Variants in GRM7 observed in about 807,000 individuals in gnomAD.
The protein encoded by GRM7 is glutamate metabotropic receptor 7.
A neutral mutation model predicts 84.5 loss-of-function variants in GRM7; 35 were observed. The observed-to-expected ratio is 0.41, with a 90% CI of 0.32 to 0.55. The LOEUF (loss-of-function observed/expected upper bound fraction) is 0.55, where lower values mean the gene tolerates loss of function less well. GRM7 is among the 20% of genes least tolerant of loss of function. The probability of loss-of-function intolerance (pLI) is 0.19; values close to 1 mark genes in which losing one functional copy is unlikely to be tolerated. For missense variants in GRM7, 1,003 were observed against 1,194.6 expected (o/e 0.84, Z 2.36); for synonymous variants, 487 against 455.1 (o/e 1.07, Z -0.89).
chr3:6,983,123 AT>A (rs558955091), intron 1 of GRM7, among the ~76,000 whole-genome samples: 9 of 152,146 alleles, frequency 5.9e-5, no homozygotes, highest in Non-Finnish European at 1.3e-4. Context: ...ATTGATTTTT[AT>A]TTTGTATTCA....
chr3:7,562,148 T>G (rs1694052540), intron 7 of GRM7, among the ~76,000 whole-genome samples: 1 of 152,112 alleles, frequency 6.6e-6, no homozygotes, highest in African/African-American at 2.4e-5. Flanking sequence ...ATTAACCCAT[T>G]GCCCTGTAAG....
intron 1 of GRM7, among the ~76,000 whole-genome samples, chr3:6,925,417 G>T (rs1189431035): frequency 1.3e-5 from 2 of 151,746 alleles, no homozygotes; most frequent in Non-Finnish European, 2.9e-5. Flanking sequence ...AGAAGGTTAC[G>T]TTGTTTTATC....
intron 1 of GRM7, among the ~76,000 whole-genome samples, chr3:6,872,684 A>C (rs903999267): frequency 1.3e-5 from 2 of 150,658 alleles, no homozygotes; most frequent in Admixed American, 6.6e-5. Context: ...TTGTTGTTCA[A>C]CTCCCACTTA....
chr3:7,608,028 C>T (rs570777221), intron 8 of GRM7: 1 of 357,674 alleles, frequency 2.8e-6, no homozygotes, highest in Non-Finnish European at 5.9e-6. Context: ...ATAACAGCCT[C>T]CAGCTCCATC....
chr3:7,445,079 C>T (rs912096238), intron 5 of GRM7, among the ~76,000 whole-genome samples: 1 of 152,142 alleles, frequency 6.6e-6, no homozygotes, highest in African/African-American at 2.4e-5. Context: ...TTAACTTTTC[C>T]ACCCAAAGGG....
chr3:7,141,719 T>C (rs1014533612), intron 1 of GRM7, among the ~76,000 whole-genome samples: 13 of 151,608 alleles, frequency 8.6e-5, no homozygotes, highest in African/African-American at 3.1e-4. Context: ...AGTAAAACAC[T>C]GGCCCAAGAC....
chr3:6,999,463 C>T (rs763080854), intron 1 of GRM7, among the ~76,000 whole-genome samples: 2 of 152,198 alleles, frequency 1.3e-5, no homozygotes, highest in Non-Finnish European at 2.9e-5. Flanking sequence ...CCAACCTCTG[C>T]CTGTTTCCCA....
intron 7 of GRM7, among the ~76,000 whole-genome samples, chr3:7,490,683 G>C (rs1381266489): frequency 6.6e-6 from 1 of 152,104 alleles, no homozygotes; most frequent in Non-Finnish European, 1.5e-5. Context: ...GGATCTATTA[G>C]ACGATCTATA....
chr3:7,089,491 G>C (rs780653873), intron 1 of GRM7, among the ~76,000 whole-genome samples: 1 of 152,130 alleles, frequency 6.6e-6, no homozygotes, highest in Non-Finnish European at 1.5e-5. Flanking sequence ...GGGAGAAGCA[G>C]AAGGATTGTA....
intron 9 of GRM7, among the ~76,000 whole-genome samples, chr3:7,723,258 T>C (rs147881503): frequency 6.6e-6 from 1 of 152,328 alleles, no homozygotes; most frequent in African/African-American, 2.4e-5. Flanking sequence ...ACCCAGCTTG[T>C]GCTCTCATCT....
chr3:7,680,418 T>G lies in GRM7; in HGVS notation c.2698+123T>G, dbSNP rs940974350. The G allele has an allele frequency of 4.2e-6, 4 of 950,440 alleles. No individual in the cohort carries two copies. In the African/African-American group the frequency reaches 6.5e-5, roughly 16 times the overall value. 58.9% of individuals were successfully genotyped at this position (950,440 alleles called of 1,614,324 possible). A position where few individuals can be genotyped will look rare whatever the true frequency, so the allele number is the denominator to read the frequency against. On this transcript the variant is annotated intron_variant, in intron 9 of 9. Transcript: ENST00000357716. ...TTCTTGTCTTATGGGCTGGGTTGCC[T>G]TGGTGAATGCCAGCTTCTGCTCTTT...
intron 1 of GRM7, among the ~76,000 whole-genome samples, chr3:7,057,411 T>C (rs1574844550): frequency 1.3e-5 from 2 of 152,068 alleles, no homozygotes; most frequent in South Asian, 4.1e-4. Flanking sequence ...TGTAAAAATA[T>C]GAGACGTTTC....
intron 4 of GRM7, among the ~76,000 whole-genome samples, chr3:7,320,441 G>T (rs1346809034): frequency 1.3e-5 from 2 of 152,048 alleles, no homozygotes; most frequent in South Asian, 4.1e-4. Context: ...TAATAAACTG[G>T]GAAAACATAG....
At chr3:7,036,336 T>C (rs1445490037) in intron 1 of GRM7, among the ~76,000 whole-genome samples, 1 of 152,198 alleles carries the variant, frequency 6.6e-6, no homozygotes, top group African/African-American at 2.4e-5. Context: ...ATTTAACTTA[T>C]GGGAGTGGGC....
chr3:7,727,149 C>T (rs1207080643), intron 9 of GRM7, among the ~76,000 whole-genome samples: 1 of 152,020 alleles, frequency 6.6e-6, no homozygotes. Context: ...TATGTTGCTC[C>T]ATAATCTTAA....
At chr3:7,316,960 G>T (rs923249827) in intron 4 of GRM7, among the ~76,000 whole-genome samples, 1 of 152,138 alleles carries the variant, frequency 6.6e-6, no homozygotes, top group African/African-American at 2.4e-5. Context: ...GATAAGAAAA[G>T]AGAAGCCAGA....
rs532782358 is a variant in GRM7, at chr3:7,075,066, A to G, written c.520-71386A>G. 3.7e-4 allele frequency among the ~76,000 whole-genome samples: 57 copies of G among 152,314 alleles called. No homozygotes were observed. The South Asian group carries it at 0.011, about 28-fold the overall frequency. ...CAGTCTGTCTTTGTAATTCAGTTCT[A>G]GAATAAAGAGGCAAGTTAGATGAAA... On this transcript the variant is annotated intron_variant, in intron 1 of 9. Coordinates refer to ENST00000357716, the MANE Select transcript of GRM7 (RefSeq NM_000844.4).
chr3:7,155,233 C>T (rs531942672), intron 2 of GRM7, among the ~76,000 whole-genome samples: 30 of 152,056 alleles, frequency 2.0e-4, no homozygotes, highest in Non-Finnish European at 4.0e-4. Context: ...AATAGGACAC[C>T]TTGATTTCGA....
At chr3:7,027,038 T>C (rs1027720949) in intron 1 of GRM7, among the ~76,000 whole-genome samples, 2 of 152,264 alleles carry the variant, frequency 1.3e-5, no homozygotes, top group African/African-American at 4.8e-5. Context: ...GTGTTCTGCC[T>C]GTGTAGCTCA....
Sources: gnomAD v4.1 joint callset for allele counts (sites outside exome capture counted in the v4.1 genomes callset) on GRCh38, gnomAD v4.1.1 for gene constraint, MANE v1.5 for transcripts, NCBI Gene and HGNC (gene_info 2026-07-23, HGNC 2026-07-21) for gene names.